Variants in CTNNA2 observed in about 807,000 individuals in gnomAD.
The protein encoded by CTNNA2 is catenin alpha-2.
A neutral mutation model predicts 101.0 loss-of-function variants in CTNNA2; 42 were observed. The ratio of observed to expected loss-of-function variants is 0.42; its 90% CI spans 0.32 to 0.54. The LOEUF is 0.54. Among genes scored for constraint, CTNNA2 ranks in the 20% least tolerant of loss-of-function variants. CTNNA2 has a pLI of 0.14. For missense variants in CTNNA2, 871 were observed against 1,223.1 expected, an observed-to-expected ratio of 0.71 and a Z score of 4.29; for synonymous variants, 450 against 456.4, an observed-to-expected ratio of 0.99 and a Z score of 0.18.
intron 7 of CTNNA2, among the ~76,000 whole-genome samples, chr2:79,991,221 A>G (rs982110927): frequency 2.0e-5 from 3 of 152,154 alleles, no homozygotes; most frequent in South Asian, 2.1e-4. Flanking sequence ...TTCTCAAAAA[A>G]CCAGCTCCTG....
At chr2:79,714,351 G>A (rs1685935188) in intron 2 of CTNNA2, among the ~76,000 whole-genome samples, 1 of 151,990 alleles carries the variant, frequency 6.6e-6, no homozygotes, top group African/African-American at 2.4e-5. Context: ...GGGCAAGTGT[G>A]GAGTCAAGGA....
At chr2:79,439,611 A>T (rs915753127) in intron 4 of CTNNA2, among the ~76,000 whole-genome samples, 1 of 152,158 alleles carries the variant, frequency 6.6e-6, no homozygotes, top group Non-Finnish European at 1.5e-5. Flanking sequence ...AAAAGGATCA[A>T]TTTGGGATCT....
At chr2:79,637,824 C>T (rs976222768) in intron 1 of CTNNA2, among the ~76,000 whole-genome samples, 4 of 152,162 alleles carry the variant, frequency 2.6e-5, no homozygotes, top group African/African-American at 9.6e-5. Flanking sequence ...AGATTTGGAA[C>T]AAACTTTGGT....
intron 2 of CTNNA2, among the ~76,000 whole-genome samples, chr2:79,285,097 G>A (rs570091919): frequency 9.3e-5 from 14 of 150,222 alleles, no homozygotes; most frequent in Admixed American, 2.0e-4. Context: ...CTGTGGGATC[G>A]GTGGTGATAT....
chr2:79,799,741 T>TAAA (rs1676011983), intron 3 of CTNNA2, among the ~76,000 whole-genome samples: 1 of 152,228 alleles, frequency 6.6e-6, no homozygotes, highest in African/African-American at 2.4e-5. Context: ...AATGTCACAT[T>TAAA]AGCATATTCC....
intron 3 of CTNNA2, among the ~76,000 whole-genome samples, chr2:79,837,092 G>A (rs1679427305): frequency 6.6e-6 from 1 of 152,296 alleles, no homozygotes; most frequent in Non-Finnish European, 1.5e-5. Flanking sequence ...GTGAGTCAGG[G>A]TTATCTAGAG....
chr2:80,208,401 G>A (rs942056810), intron 7 of CTNNA2, among the ~76,000 whole-genome samples: 1 of 152,174 alleles, frequency 6.6e-6, no homozygotes. Context: ...GTTTGAGGTA[G>A]GAGAGCTTCA....
At chr2:80,455,585 A>G (rs779039540) in intron 9 of CTNNA2, among the ~76,000 whole-genome samples, 12 of 152,208 alleles carry the variant, frequency 7.9e-5, no homozygotes, top group South Asian at 2.1e-4. Flanking sequence ...TTGTACCTTC[A>G]TTCCTCTTCC....
chr2:80,030,905 A>G (rs983968793), intron 7 of CTNNA2, among the ~76,000 whole-genome samples: 2 of 152,212 alleles, frequency 1.3e-5, no homozygotes, highest in African/African-American at 2.4e-5. Context: ...TTCAATAATA[A>G]TGGAGGAAAT....
At chr2:80,029,051 C>A (rs1198372583) in intron 7 of CTNNA2, among the ~76,000 whole-genome samples, 1 of 152,166 alleles carries the variant, frequency 6.6e-6, no homozygotes, top group Non-Finnish European at 1.5e-5. Context: ...TGAGAAGGGA[C>A]CTTTGAACTG....
chr2:80,231,418 C>G (rs1467490500), intron 7 of CTNNA2, among the ~76,000 whole-genome samples: 1 of 152,172 alleles, frequency 6.6e-6, no homozygotes, highest in Non-Finnish European at 1.5e-5. Flanking sequence ...ACTGATCAGG[C>G]AAGGCACTGT....
chr2:79,831,298 CT>C (rs1331776710), intron 3 of CTNNA2, among the ~76,000 whole-genome samples: 3 of 152,128 alleles, frequency 2.0e-5, no homozygotes, highest in Admixed American at 2.0e-4. Flanking sequence ...AAATCTTTTT[CT>C]CCTCGAGGTT....
At chr2:80,030,535 T>C (rs1695222401) in intron 7 of CTNNA2, 1 of 152,192 alleles carries the variant, frequency 6.6e-6, no homozygotes, top group African/African-American at 2.4e-5. Flanking sequence ...TTTTGTTTCG[T>C]TGTCCTGAGT....
intron 7 of CTNNA2, among the ~76,000 whole-genome samples, chr2:80,169,915 T>A (rs1056440525): frequency 6.6e-6 from 1 of 152,234 alleles, no homozygotes; most frequent in Non-Finnish European, 1.5e-5. Flanking sequence ...TTATTATTTA[T>A]ATTTATATTT....
chr2:80,403,078 GA>G (rs1678715762), intron 8 of CTNNA2, among the ~76,000 whole-genome samples: 1 of 152,112 alleles, frequency 6.6e-6, no homozygotes, highest in African/African-American at 2.4e-5. Context: ...AGAAATCCAT[GA>G]TGAACAAAAC....
intron 2 of CTNNA2, among the ~76,000 whole-genome samples, chr2:79,301,550 C>A (rs953003534): frequency 6.6e-6 from 1 of 152,164 alleles, no homozygotes; most frequent in Non-Finnish European, 1.5e-5. Context: ...TATGCTCCTA[C>A]GTTCGCTGCT....
At chr2:79,966,921 C>T (rs1478305383) in intron 7 of CTNNA2, among the ~76,000 whole-genome samples, 1 of 152,084 alleles carries the variant, frequency 6.6e-6, no homozygotes, top group East Asian at 1.9e-4. Context: ...GAACCACTTT[C>T]CTGGAGGTTC....
At chr2:79,482,304 G>A (rs1671116985) in intron 4 of CTNNA2, among the ~76,000 whole-genome samples, 1 of 152,152 alleles carries the variant, frequency 6.6e-6, no homozygotes, top group Non-Finnish European at 1.5e-5. Context: ...CCTTGGAAAA[G>A]TATCTTCACC....
chr2:80,532,749 T>A (rs955791809), intron 9 of CTNNA2, among the ~76,000 whole-genome samples: 1 of 152,170 alleles, frequency 6.6e-6, no homozygotes, highest in Non-Finnish European at 1.5e-5. Flanking sequence ...GTGTTTTTTT[T>A]AAAGCTCGAA....
Sources: allele counts gnomAD v4.1 joint callset (sites outside exome capture counted in the v4.1 genomes callset), GRCh38; gene constraint gnomAD v4.1.1; transcripts MANE v1.5; gene names NCBI Gene and HGNC (gene_info 2026-07-23, HGNC 2026-07-21).